Variants in AFG2A observed in about 807,000 individuals in gnomAD.
AFG2A encodes the protein AAA ATPase AFG2A.
chr4:123,029,911 T>A, the AFG2A span, among the ~76,000 whole-genome samples: 2 of 152,174 alleles, frequency 1.3e-5, no homozygotes, highest in Non-Finnish European at 2.9e-5. Flanking sequence ...GTGCTGGGAT[T>A]ATAGGAGTGA....
chr4:123,173,579 C>T, the AFG2A span, among the ~76,000 whole-genome samples: 1 of 151,980 alleles, frequency 6.6e-6, no homozygotes, highest in East Asian at 1.9e-4. Context: ...TGGTCTCAAA[C>T]TCCTGACCTC....
the AFG2A span, among the ~76,000 whole-genome samples, chr4:122,983,588 A>G: frequency 1.3e-5 from 2 of 151,828 alleles, no homozygotes; most frequent in African/African-American, 4.8e-5. Flanking sequence ...TATGTTGTTT[A>G]ATTTCCAGAT....
the AFG2A span, among the ~76,000 whole-genome samples, chr4:122,990,407 G>A: frequency 6.6e-6 from 1 of 152,078 alleles, no homozygotes; most frequent in African/African-American, 2.4e-5. Flanking sequence ...AGAGAGTCTG[G>A]CCTAGTTGTA....
chr4:122,969,573 A>C, the AFG2A span, among the ~76,000 whole-genome samples: 1 of 152,196 alleles, frequency 6.6e-6, no homozygotes, highest in African/African-American at 2.4e-5. Flanking sequence ...TTGCATTCCC[A>C]TAGAAGTTTT....
the AFG2A span, among the ~76,000 whole-genome samples, chr4:123,060,367 G>A: frequency 6.6e-6 from 1 of 152,198 alleles, no homozygotes; most frequent in African/African-American, 2.4e-5. Context: ...GTTCTCATAA[G>A]GGCCCTGCCC....
chr4:123,236,109 A>G, the AFG2A span, among the ~76,000 whole-genome samples: 1 of 152,130 alleles, frequency 6.6e-6, no homozygotes, highest in Non-Finnish European at 1.5e-5. Flanking sequence ...TTTGGGGGGA[A>G]TCTGATAGAT....
chr4:123,154,113 G>A, the AFG2A span, among the ~76,000 whole-genome samples: 7 of 152,192 alleles, frequency 4.6e-5, no homozygotes, highest in South Asian at 1.5e-3. Context: ...AGTTCTTGAG[G>A]CTGGAGGAAA....
the AFG2A span, among the ~76,000 whole-genome samples, chr4:123,154,181 G>A: frequency 6.6e-6 from 1 of 152,010 alleles, no homozygotes; most frequent in Non-Finnish European, 1.5e-5. Context: ...AGAAATGGAG[G>A]AGAGGGTTAG....
At chr4:123,175,351 T>C in the AFG2A span, among the ~76,000 whole-genome samples, 1 of 152,054 alleles carries the variant, frequency 6.6e-6, no homozygotes, top group Non-Finnish European at 1.5e-5. Flanking sequence ...TACTAGACAA[T>C]TCATGGAAGG....
chr4:122,957,729 T>G, the AFG2A span, among the ~76,000 whole-genome samples: 7 of 152,116 alleles, frequency 4.6e-5, no homozygotes, highest in Non-Finnish European at 7.4e-5. Flanking sequence ...ACATCTGTTT[T>G]TTGTTGTTGT....
At chr4:123,252,678 C>T in the AFG2A span, among the ~76,000 whole-genome samples, 2 of 152,162 alleles carry the variant, frequency 1.3e-5, no homozygotes, top group African/African-American at 2.4e-5. Flanking sequence ...ATGTACAAGT[C>T]AATTAATTTA....
the AFG2A span, among the ~76,000 whole-genome samples, chr4:123,024,167 T>A: frequency 7.5e-6 from 1 of 132,538 alleles, no homozygotes. Context: ...AAGAGTACAA[T>A]AACAATAATG....
the AFG2A span, among the ~76,000 whole-genome samples, chr4:123,242,691 A>G: frequency 2.0e-5 from 3 of 152,244 alleles, no homozygotes; most frequent in African/African-American, 7.2e-5. Context: ...AGGCCTAGTC[A>G]AGGACTTCAT....
the AFG2A span, among the ~76,000 whole-genome samples, chr4:123,193,343 T>G: frequency 2.9e-4 from 44 of 152,344 alleles, no homozygotes; most frequent in South Asian, 6.8e-3. Flanking sequence ...TTCTTAAAGT[T>G]CCTCTGTTTT....
chr4:123,279,542 A>T, the AFG2A span, among the ~76,000 whole-genome samples: 1 of 152,220 alleles, frequency 6.6e-6, no homozygotes, highest in Admixed American at 6.5e-5. Flanking sequence ...CATCTCTGCC[A>T]TTTACTAACT....
the AFG2A span, among the ~76,000 whole-genome samples, chr4:123,153,062 G>C: frequency 9.9e-5 from 15 of 152,148 alleles, no homozygotes; most frequent in African/African-American, 2.9e-4. Flanking sequence ...TTGTCATTCA[G>C]ATATTTATTA....
At chr4:122,992,982 G>GTGTGTGTGGTGTGTGTGTA in the AFG2A span, among the ~76,000 whole-genome samples, 11 of 151,464 alleles carry the variant, frequency 7.3e-5, no homozygotes, top group African/African-American at 2.4e-4. Flanking sequence ...GTGTATGTGT[G>GTGTGTGTGGTGTGTGTGTA]TGTGTGTGTG....
the AFG2A span, among the ~76,000 whole-genome samples, chr4:123,039,679 T>C: frequency 6.6e-6 from 1 of 151,666 alleles, no homozygotes; most frequent in African/African-American, 2.4e-5. Flanking sequence ...CTACAGGCAT[T>C]TCTTGCTTTG....
chr4:123,293,264 A>C, the AFG2A span, among the ~76,000 whole-genome samples: 2 of 152,152 alleles, frequency 1.3e-5, no homozygotes, highest in Admixed American at 6.5e-5. Context: ...AGGTCCCTTC[A>C]CGAGCACTGG....
Sources: gnomAD v4.1 joint callset for allele counts (sites outside exome capture counted in the v4.1 genomes callset) on GRCh38, gnomAD v4.1.1 for gene constraint, MANE v1.5 for transcripts, NCBI Gene and HGNC (gene_info 2026-07-23, HGNC 2026-07-21) for gene names.